The following NRCAM variants were observed in gnomAD, a reference collection of about 807,000 sequenced individuals.
NRCAM encodes the protein NgCAM-related cell adhesion molecule.
NRCAM carries 83 observed loss-of-function variants against 156.5 expected under a neutral mutation model. That is an observed-to-expected ratio of 0.53 (90% CI 0.44 to 0.64). NRCAM has a LOEUF of 0.64. Among genes scored for constraint, NRCAM ranks in the 30% least tolerant of loss-of-function variants. The pLI is 0.00. For synonymous variants in NRCAM, 538 were observed against 563.9 expected, an observed-to-expected ratio of 0.95 and a Z score of 0.65; for missense variants, 1,417 against 1,597.3, an observed-to-expected ratio of 0.89 and a Z score of 1.92.
At chr7:108,405,125 T>C (rs1416273133) in intron 1 of NRCAM, among the ~76,000 whole-genome samples, 1 of 152,222 alleles carries the variant, frequency 6.6e-6, no homozygotes, top group Non-Finnish European at 1.5e-5. Context: ...TTCAAATTCT[T>C]TGGACAGATC....
intron 1 of NRCAM, among the ~76,000 whole-genome samples, chr7:108,435,880 C>T (rs1456500694): frequency 6.6e-6 from 1 of 152,206 alleles, no homozygotes; most frequent in Non-Finnish European, 1.5e-5. Flanking sequence ...CGCCTGTAAT[C>T]CCAGCACTTT....
intron 3 of NRCAM, among the ~76,000 whole-genome samples, chr7:108,290,934 T>C (rs2098270273): frequency 6.6e-6 from 1 of 152,216 alleles, no homozygotes; most frequent in African/African-American, 2.4e-5. Context: ...ATAGGGTTTC[T>C]GCTGCCAGAT....
intron 30 of NRCAM, among the ~76,000 whole-genome samples, chr7:108,162,205 T>G (rs1446266334): frequency 6.6e-6 from 1 of 152,218 alleles, no homozygotes; most frequent in Admixed American, 6.5e-5. Flanking sequence ...CATTATATTA[T>G]ACTGCTGTAA....
At chr7:108,323,888 G>C (rs532259474) in intron 2 of NRCAM, among the ~76,000 whole-genome samples, 85 of 152,278 alleles carry the variant, frequency 5.6e-4, no homozygotes, top group Middle Eastern at 3.4e-3. Context: ...GTGAATGTGA[G>C]AGCCACTGCG....
At chr7:108,456,486 C>G (rs1192550912), upstream of NRCAM, 4 of 151,856 alleles carry the variant, frequency 2.6e-5, no homozygotes, top group South Asian at 2.0e-4. Flanking sequence ...TCCGCTCCCC[C>G]TCCCCGCGCC....
intron 3 of NRCAM, among the ~76,000 whole-genome samples, chr7:108,290,445 C>T (rs1405831302): frequency 2.0e-5 from 3 of 152,124 alleles, no homozygotes; most frequent in Non-Finnish European, 4.4e-5. Context: ...TCTTATCTGA[C>T]ACAAAAGCTA....
intron 11 of NRCAM, among the ~76,000 whole-genome samples, chr7:108,220,375 AC>A (rs1374138601): frequency 6.6e-6 from 1 of 152,188 alleles, no homozygotes; most frequent in Non-Finnish European, 1.5e-5. Context: ...ACCAAAGAAG[AC>A]CCCACACAGC....
At chr7:108,271,412 A>C (rs2097343556) in intron 3 of NRCAM, among the ~76,000 whole-genome samples, 1 of 152,112 alleles carries the variant, frequency 6.6e-6, no homozygotes, top group Admixed American at 6.6e-5. Flanking sequence ...GAACCTAACA[A>C]AGTGACCAGG....
At chr7:108,213,596 C>A (rs771220541) in intron 11 of NRCAM, among the ~76,000 whole-genome samples, 2 of 152,082 alleles carry the variant, frequency 1.3e-5, no homozygotes, top group Non-Finnish European at 2.9e-5. Context: ...CAAATGGACA[C>A]CAAAAGCAAG....
At chr7:108,292,031 C>G (rs1411318390) in intron 3 of NRCAM, among the ~76,000 whole-genome samples, 1 of 152,218 alleles carries the variant, frequency 6.6e-6, no homozygotes, top group Non-Finnish European at 1.5e-5. Context: ...TGCTGCTACT[C>G]AGCTTTAGCT....
chr7:108,213,366 C>T (rs1165029457), intron 11 of NRCAM, among the ~76,000 whole-genome samples: 4 of 151,732 alleles, frequency 2.6e-5, no homozygotes, highest in Non-Finnish European at 5.9e-5. Flanking sequence ...AATAAAAAAC[C>T]CAAGGTACAC....
At chr7:108,253,118 C>A (rs2096454754) in intron 3 of NRCAM, among the ~76,000 whole-genome samples, 1 of 152,204 alleles carries the variant, frequency 6.6e-6, no homozygotes, top group African/African-American at 2.4e-5. Flanking sequence ...GGAATGGCTT[C>A]AAACATTTTA....
Position 108,234,629 on chromosome 7 carries a change from C to G in NRCAM, c.184G>C (p.Glu62Gln). 3.1e-6 allele frequency: 5 copies of G among 1,613,306 alleles called. No homozygotes were observed. Among genetic ancestry groups the G allele is most frequent in the Non-Finnish European group, 4.2e-6 (5 of 1,179,512 alleles). Residue 62 changes from glutamate to glutamine, a missense_variant, in exon 6 of 33, where the codon GAG becomes CAG. Around this residue, in one of 2 missense-constraint regions of NRCAM, gnomAD observed 1,238 missense variants for 1,336.4 expected, o/e 0.93. Transcript: ENST00000379028. ...SPKDYIIDPR[E>Q]NIVIQCEAKG... ...GCTTCACACTGGATTACAATATTCTCCCGAGGGTCAATAATGTAATCTTTT... is the reference window on the plus strand; with the variant it reads ...GCTTCACACTGGATTACAATATTCTGCCGAGGGTCAATAATGTAATCTTTT...
intron 20 of NRCAM, among the ~76,000 whole-genome samples, chr7:108,185,398 C>T (rs917442925): frequency 2.0e-5 from 3 of 152,104 alleles, no homozygotes; most frequent in African/African-American, 7.2e-5. Flanking sequence ...ACTGACTAAA[C>T]AAATTACACT....
intron 13 of NRCAM, among the ~76,000 whole-genome samples, chr7:108,206,511 A>G (rs1228661807): frequency 6.6e-6 from 1 of 151,946 alleles, no homozygotes; most frequent in East Asian, 1.9e-4. Flanking sequence ...GCTGAAACTG[A>G]CTTTCTCTGT....
chr7:108,296,217 G>T (rs954074991), intron 3 of NRCAM, among the ~76,000 whole-genome samples: 6 of 152,058 alleles, frequency 3.9e-5, no homozygotes, highest in Non-Finnish European at 5.9e-5. Context: ...ACAAAGTGGG[G>T]CCTCTGTAAT....
intron 2 of NRCAM, among the ~76,000 whole-genome samples, chr7:108,351,709 T>G (rs1163516316): frequency 6.6e-6 from 1 of 152,014 alleles, no homozygotes; most frequent in Non-Finnish European, 1.5e-5. Flanking sequence ...TAGAGATTTA[T>G]TAAGATGAAA....
chr7:108,421,451 T>C (rs1809717134), intron 1 of NRCAM, among the ~76,000 whole-genome samples: 1 of 152,106 alleles, frequency 6.6e-6, no homozygotes, highest in African/African-American at 2.4e-5. Context: ...TCACCCCCAA[T>C]GAGAAATGTA....
In NRCAM at chr7:108,439,376, A is replaced by G. The variant is rs74646229; in HGVS notation, c.-332+16867T>C. Among the ~76,000 whole-genome samples the G allele has an allele frequency of 1.2e-3, 190 of 152,330 alleles. 4 individuals carry two copies. In the East Asian group the frequency reaches 0.034, roughly 27 times the overall value. Reference sequence around the variant, plus strand: ...ACTTGTATCCAGAAAATATTTTTACAAAACAAACTCAATAATCAGAAGATA... The same window carrying G: ...ACTTGTATCCAGAAAATATTTTTACGAAACAAACTCAATAATCAGAAGATA... On this transcript the variant is annotated intron_variant, in intron 1 of 32. Coordinates refer to ENST00000379028, the MANE Select transcript of NRCAM (RefSeq NM_001037132.4).
Sources: gnomAD v4.1 joint callset for allele counts (sites outside exome capture counted in the v4.1 genomes callset) on GRCh38, gnomAD v4.1.1 for gene constraint, gnomAD v4.1.1 regional missense constraint, MANE v1.5 for transcripts, NCBI Gene and HGNC (gene_info 2026-07-23, HGNC 2026-07-21) for gene names.